UBN2: variants seen among roughly 807,000 people sequenced by gnomAD.
The protein encoded by UBN2 is ubinuclein 2.
Under a neutral mutation model 120.2 loss-of-function variants are expected in UBN2, and 35 were observed. The observed-to-expected ratio is 0.29, with a 90% CI of 0.22 to 0.39. The LOEUF is 0.39. Ranked by LOEUF, UBN2 falls within the 10% of genes least tolerant of loss-of-function variation. UBN2 has a pLI of 1.00. For synonymous variants in UBN2, 661 were observed against 648.7 expected, an observed-to-expected ratio of 1.02 and a Z score of -0.29; for missense variants, 1,693 against 1,663.2, an observed-to-expected ratio of 1.02 and a Z score of -0.31.
downstream of UBN2, among the ~76,000 whole-genome samples, chr7:139,309,478 T>C (rs1320886855): frequency 6.6e-6 from 1 of 152,276 alleles, no homozygotes; most frequent in Non-Finnish European, 1.5e-5. Context: ...TGTGGTTATG[T>C]AATTTAACTA....
At chr7:139,327,785 G>A in the UBN2 span, among the ~76,000 whole-genome samples, 1 of 152,118 alleles carries the variant, frequency 6.6e-6, no homozygotes, top group African/African-American at 2.4e-5. Context: ...TCCAGAATTC[G>A]TATCACCCCT....
At chr7:139,282,404 A>G (rs1201685946) in intron 14 of UBN2, among the ~76,000 whole-genome samples, 1 of 152,176 alleles carries the variant, frequency 6.6e-6, no homozygotes, top group Non-Finnish European at 1.5e-5. Flanking sequence ...GCGGACACTT[A>G]GTGGATATAT....
At chr7:139,242,302 A>G (rs1205917378) in intron 2 of UBN2, among the ~76,000 whole-genome samples, 4 of 152,204 alleles carry the variant, frequency 2.6e-5, no homozygotes, top group Admixed American at 1.3e-4. Context: ...TTAGTTGATC[A>G]TCCACACTTG....
chr7:139,238,763 T>A (rs1180261664), intron 2 of UBN2, among the ~76,000 whole-genome samples: 1 of 152,176 alleles, frequency 6.6e-6, no homozygotes, highest in Admixed American at 6.5e-5. Flanking sequence ...AGGTTCAGAT[T>A]TTTCCGAGAC....
intron 11 of UBN2, 80 bp from the exon 12 acceptor site, chr7:139,276,017 A>C (rs1397840788): frequency 6.1e-6 from 7 of 1,152,904 alleles, no homozygotes; most frequent in Non-Finnish European, 8.8e-6. Context: ...ACTGAAAATT[A>C]AATTACTTTA....
rs1001803794 is a variant in UBN2 at position 139,294,710 on chromosome 7, G to A, written c.3994+729G>A. ...ACAAAAGTTAGCCAGGCCTGATGGC[G>A]CATGCCTGTAGTCCCAGCTACTTGG... is the stretch of plus-strand genomic sequence containing the variant. On this transcript the variant is annotated intron_variant, in intron 17 of 17. Coordinates refer to ENST00000473989, the MANE Select transcript of UBN2 (RefSeq NM_173569.4). Among the ~76,000 whole-genome samples, 7 of 152,218 alleles carry A rather than the reference G, an allele frequency of 4.6e-5. 1 individual carries two copies. The highest frequency in any genetic ancestry group is 2.0e-4 in the Admixed American group (3 of 15,296).
At chr7:139,248,997 A>G (rs1011633730) in intron 2 of UBN2, among the ~76,000 whole-genome samples, 2 of 149,446 alleles carry the variant, frequency 1.3e-5, no homozygotes, top group African/African-American at 5.0e-5. Context: ...GTATATGTAT[A>G]TATTTATTAC....
At chr7:139,232,869 C>T (rs1461238129) in intron 1 of UBN2, among the ~76,000 whole-genome samples, 1 of 151,972 alleles carries the variant, frequency 6.6e-6, no homozygotes. Flanking sequence ...GGGTTATGTT[C>T]GTAATTGTAA....
chr7:139,235,095 CTACATAAAA>C (rs1796129365), intron 1 of UBN2, among the ~76,000 whole-genome samples: 6 of 151,904 alleles, frequency 3.9e-5, no homozygotes, highest in Admixed American at 2.6e-4. Flanking sequence ...CTTTTGATAC[CTACATAAAA>C]TACATAAAAT....
rs1470754536 is a variant in UBN2 at position 139,276,310 on chromosome 7, C to G, written c.2024+163C>G. 17 of 696,118 alleles carry G rather than the reference C, an allele frequency of 2.4e-5. No homozygotes were observed. In the South Asian group the frequency reaches 2.9e-4, roughly 12 times the overall value. The allele number at this position is 696,118 out of a possible 1,614,324, so 43.1% of individuals were successfully genotyped here. ...CACATTTATCTATTGAAATAATTGT[C>G]AGGGTACTCTCTAAACACCTACTAA... On this transcript the variant is annotated intron_variant, in intron 12 of 17. Transcript: ENST00000473989.
chr7:139,252,324 G>A (rs1027534771), intron 3 of UBN2, among the ~76,000 whole-genome samples: 1 of 151,824 alleles, frequency 6.6e-6, no homozygotes, highest in Non-Finnish European at 1.5e-5. Context: ...TTCTGTAAAA[G>A]GCCACATAGT....
chr7:139,278,418 G>C (rs1251944058), intron 12 of UBN2, among the ~76,000 whole-genome samples: 3 of 152,118 alleles, frequency 2.0e-5, no homozygotes, highest in Non-Finnish European at 4.4e-5. Flanking sequence ...CTGGCCTCAC[G>C]TGATCCGCCT....
intron 6 of UBN2, among the ~76,000 whole-genome samples, chr7:139,264,485 C>G (rs978333159): frequency 2.6e-5 from 4 of 152,136 alleles, no homozygotes; most frequent in African/African-American, 9.7e-5. Flanking sequence ...GATATGACAC[C>G]AGATTCTTTT....
At position 139,288,653 on chromosome 7, in the gene UBN2, G is replaced by A. The variant is rs138000179; in HGVS notation, c.3669+4079G>A. On this transcript the variant is annotated intron_variant, in intron 15 of 17. Transcript: ENST00000473989. ...TGCATTTCAAAAGTTTACTCTGGGC[G>A]TTGTGGGGAATAGGGGACCAGTGCA... 1.8e-3 allele frequency among the ~76,000 whole-genome samples: 277 copies of A among 152,210 alleles called. 2 individuals carry two copies. The Middle Eastern group carries it at 0.044, about 24-fold the overall frequency.
At chr7:139,245,225 C>G (rs1796438240) in intron 2 of UBN2, among the ~76,000 whole-genome samples, 1 of 151,138 alleles carries the variant, frequency 6.6e-6, no homozygotes. Context: ...TAGGCATGAG[C>G]CACCTCGCCC....
In UBN2 at chr7:139,308,226, T is replaced by G. The variant is rs1185751639; in HGVS notation, c.*10390T>G. The G allele has an allele frequency of 6.6e-6, 1 of 152,104 alleles. No homozygotes were observed. The highest frequency in any genetic ancestry group is 1.5e-5 in the Non-Finnish European group (1 of 68,028). The allele number at this position is 152,104 out of a possible 1,614,324, so 9.4% of individuals were successfully genotyped here. ...TGTTGTTGTATTAAATAAAGAGGAA[T>G]GTACATACTATCCTCGTGTCTGTTG... is the stretch of plus-strand genomic sequence containing the variant. On this transcript the variant is annotated 3_prime_UTR_variant, in exon 18 of 18. Transcript: ENST00000473989.
intron 17 of UBN2, 25 bp from the exon 18 acceptor site, chr7:139,297,762 C>A (rs748542951): frequency 1.9e-6 from 3 of 1,613,174 alleles, no homozygotes; most frequent in Non-Finnish European, 1.7e-6. Context: ...TGGACCCATA[C>A]CAATTTAACG....
At chr7:139,289,885 A>G (rs1436757904) in intron 15 of UBN2, among the ~76,000 whole-genome samples, 2 of 150,560 alleles carry the variant, frequency 1.3e-5, no homozygotes, top group African/African-American at 4.9e-5. Context: ...AGAAGAAGCA[A>G]CTCTGGTTAA....
At chr7:139,325,689 TC>T in the UBN2 span, among the ~76,000 whole-genome samples, 1 of 152,000 alleles carries the variant, frequency 6.6e-6, no homozygotes, top group Non-Finnish European at 1.5e-5. Flanking sequence ...CACCAAAATC[TC>T]CCCCCAGTTA....
Sources: allele counts gnomAD v4.1 joint callset (sites outside exome capture counted in the v4.1 genomes callset), GRCh38; gene constraint gnomAD v4.1.1; transcripts MANE v1.5; gene names NCBI Gene and HGNC (gene_info 2026-07-23, HGNC 2026-07-21).